The following PTPRD variants were observed in gnomAD, a reference collection of about 807,000 sequenced individuals.
PTPRD encodes the protein protein tyrosine phosphatase receptor type D, also known as receptor-type tyrosine-protein phosphatase delta.
In PTPRD, 34 loss-of-function variants were observed where a neutral mutation model predicts 214.5. That is an observed-to-expected ratio of 0.16 (90% CI 0.12 to 0.21). The LOEUF is 0.21. Ranked by LOEUF, PTPRD falls within the 10% of genes least tolerant of loss-of-function variation. The probability of loss-of-function intolerance (pLI) is 1.00; values close to 1 mark genes in which losing one functional copy is unlikely to be tolerated. For missense variants in PTPRD, 2,545 were observed against 2,398.7 expected (o/e 1.06, Z -1.27); for synonymous variants, 1,128 against 845.7 (o/e 1.33, Z -5.79).
chr9:9,315,112 T>C (rs577452634), intron 9 of PTPRD, among the ~76,000 whole-genome samples: 41 of 152,162 alleles, frequency 2.7e-4, no homozygotes, highest in African/African-American at 9.4e-4. Context: ...TTTTACCACA[T>C]TATTTTACAG....
chr9:8,734,173 C>T (rs533950492), intron 11 of PTPRD, among the ~76,000 whole-genome samples: 2 of 152,162 alleles, frequency 1.3e-5, no homozygotes, highest in East Asian at 1.9e-4. Context: ...TGGGAGCTCT[C>T]GCATTCCCAA....
chr9:9,811,181 G>A (rs897167171), intron 5 of PTPRD, among the ~76,000 whole-genome samples: 6 of 152,044 alleles, frequency 3.9e-5, no homozygotes, highest in Admixed American at 6.6e-5. Context: ...CTCAGCCTGC[G>A]CAACAAGAAT....
At chr9:9,873,566 A>T (rs1314619707) in intron 5 of PTPRD, among the ~76,000 whole-genome samples, 4 of 152,100 alleles carry the variant, frequency 2.6e-5, no homozygotes, top group Non-Finnish European at 5.9e-5. Context: ...AGAATTTGTT[A>T]AAGGAAATAC....
At chr9:9,348,631 G>C (rs1227747716) in intron 9 of PTPRD, among the ~76,000 whole-genome samples, 1 of 151,988 alleles carries the variant, frequency 6.6e-6, no homozygotes, top group Non-Finnish European at 1.5e-5. Flanking sequence ...CAGGAGTTGG[G>C]GTAAGAGTTT....
rs531530244 is a variant in PTPRD at position 10,112,424 on chromosome 9, A to T, written c.-544-78634T>A. Among the ~76,000 whole-genome samples the T allele has an allele frequency of 5.9e-5, 9 of 151,720 alleles. No individual in the cohort carries two copies. In the South Asian group the frequency reaches 1.9e-3, roughly 32 times the overall value. ...TCAATGATGTATCTTCCAACTGACAATTATCTATTTTTTTTTTGTCAAGCT... is the reference window on the plus strand; with the variant it reads ...TCAATGATGTATCTTCCAACTGACATTTATCTATTTTTTTTTTGTCAAGCT... On this transcript the variant is annotated intron_variant, in intron 3 of 45. Transcript: ENST00000381196.
chr9:9,849,669 T>A (rs908333598), intron 5 of PTPRD, among the ~76,000 whole-genome samples: 3 of 152,136 alleles, frequency 2.0e-5, no homozygotes, highest in African/African-American at 7.2e-5. Context: ...GGCATTTTAA[T>A]ATCTTAGTTC....
chr9:8,399,796 G>A (rs1028869960), intron 36 of PTPRD, among the ~76,000 whole-genome samples: 5 of 152,178 alleles, frequency 3.3e-5, no homozygotes, highest in Admixed American at 6.5e-5. Flanking sequence ...AAGCCGCTCT[G>A]GGCCTGCGTA....
At chr9:9,225,097 A>C (rs1425588588) in intron 9 of PTPRD, among the ~76,000 whole-genome samples, 1 of 152,064 alleles carries the variant, frequency 6.6e-6, no homozygotes, top group Non-Finnish European at 1.5e-5. Flanking sequence ...ACAAAGAGTT[A>C]TGATTAATAT....
chr9:9,333,072 C>T (rs974020739), intron 9 of PTPRD, among the ~76,000 whole-genome samples: 6 of 151,640 alleles, frequency 4.0e-5, no homozygotes, highest in African/African-American at 1.5e-4. Flanking sequence ...TTGAGCTGTT[C>T]GGGAGGGACA....
chr9:10,362,322 C>G (rs923428977), intron 2 of PTPRD, among the ~76,000 whole-genome samples: 1 of 143,644 alleles, frequency 7.0e-6, no homozygotes, highest in Non-Finnish European at 1.5e-5. Flanking sequence ...TCACAACAAT[C>G]CTCTGACAGA....
At chr9:9,951,907 C>T (rs1437310873) in intron 4 of PTPRD, among the ~76,000 whole-genome samples, 1 of 152,210 alleles carries the variant, frequency 6.6e-6, no homozygotes, top group African/African-American at 2.4e-5. Context: ...CCATCATTTA[C>T]TCATGATCTT....
chr9:9,781,442 A>C (rs1349015254), intron 5 of PTPRD, among the ~76,000 whole-genome samples: 1 of 152,192 alleles, frequency 6.6e-6, no homozygotes, highest in Non-Finnish European at 1.5e-5. Context: ...AAAGAAAGAC[A>C]ACGGTGACAT....
chr9:9,734,876 GATT>G lies in PTPRD; in HGVS notation c.-325-308_-325-306del, dbSNP rs377642262. Among the ~76,000 whole-genome samples, 646 of 152,148 alleles carry G rather than the reference GATT, an allele frequency of 4.2e-3. 4 individuals carry two copies. The highest frequency in any genetic ancestry group is 0.014 in the African/African-American group (599 of 41,518). On this transcript the variant is annotated intron_variant, in intron 6 of 45. Coordinates refer to ENST00000381196, the MANE Select transcript of PTPRD (RefSeq NM_002839.4). ...ATTCTTTAAGTTCTCAAAGAAGGGA[GATT>G]ATTATTAAATGCACTTGAAATTCTC...
chr9:10,205,211 T>G (rs1334555500), intron 3 of PTPRD, among the ~76,000 whole-genome samples: 1 of 151,994 alleles, frequency 6.6e-6, no homozygotes, highest in Non-Finnish European at 1.5e-5. Flanking sequence ...GATTTATCTT[T>G]AAAGTTTTAT....
chr9:8,760,675 T>C (rs987791822), intron 11 of PTPRD, among the ~76,000 whole-genome samples: 1 of 151,964 alleles, frequency 6.6e-6, no homozygotes, highest in African/African-American at 2.4e-5. Flanking sequence ...CTAGTCTGGC[T>C]AGCAGAGCTA....
At chr9:9,084,576 A>G (rs989892496) in intron 10 of PTPRD, among the ~76,000 whole-genome samples, 1 of 152,004 alleles carries the variant, frequency 6.6e-6, no homozygotes, top group Non-Finnish European at 1.5e-5. Flanking sequence ...TCCCACTGAC[A>G]CACATTTCTG....
At position 8,959,111 on chromosome 9, in the gene PTPRD, T is replaced by C. The variant is rs550300568; in HGVS notation, c.-104+59586A>G. On this transcript the variant is annotated intron_variant, in intron 11 of 45. Coordinates refer to ENST00000381196, the MANE Select transcript of PTPRD (RefSeq NM_002839.4). ...TATTATCTTATTGTGACAATGGCTA[T>C]TGACACAACACTGGCTTTAACACAG... 2.6e-5 allele frequency among the ~76,000 whole-genome samples: 4 copies of C among 152,156 alleles called. No homozygotes were observed. In the East Asian group the frequency reaches 5.8e-4, roughly 22 times the overall value.
intron 3 of PTPRD, among the ~76,000 whole-genome samples, chr9:10,222,219 C>T (rs74462336): frequency 0.02 from 3,040 of 152,118 alleles, 50 homozygotes; most frequent in Non-Finnish European, 0.03. Flanking sequence ...GACAACTTTT[C>T]CTGCTATGAG....
At chr9:9,422,476 C>T (rs2079170513) in intron 8 of PTPRD, among the ~76,000 whole-genome samples, 1 of 151,984 alleles carries the variant, frequency 6.6e-6, no homozygotes, top group South Asian at 2.1e-4. Context: ...TTTTTTAAAG[C>T]ACTGGAGAGC....
Sources: gnomAD v4.1 joint callset for allele counts (sites outside exome capture counted in the v4.1 genomes callset) on GRCh38, gnomAD v4.1.1 for gene constraint, MANE v1.5 for transcripts, NCBI Gene and HGNC (gene_info 2026-07-23, HGNC 2026-07-21) for gene names.